IL1RAPL2: variants seen among roughly 807,000 people sequenced by gnomAD.
The protein encoded by IL1RAPL2 is X-linked interleukin-1 receptor accessory protein-like 2.
IL1RAPL2 carries 3 observed loss-of-function variants against 44.1 expected under a neutral mutation model. The observed-to-expected ratio is 0.07, with a 90% CI of 0.03 to 0.18. The LOEUF (loss-of-function observed/expected upper bound fraction) is 0.18. Among genes scored for constraint, IL1RAPL2 ranks in the 10% least tolerant of loss-of-function variants. The pLI, the probability that IL1RAPL2 is intolerant of heterozygous loss-of-function variation, is 1.00. For missense variants in IL1RAPL2, 391 were observed against 496.4 expected (o/e 0.79, Z 2.02); for synonymous variants, 181 against 178.8 (o/e 1.01, Z -0.10).
intron 1 of IL1RAPL2, among the ~76,000 whole-genome samples, chrX:104,633,302 C>CT (rs1296641464): frequency 2.7e-5 from 3 of 111,265 alleles, no homozygotes; most frequent in East Asian, 2.8e-4. Flanking sequence ...CTAAAATTCT[C>CT]TTTTTTTGTT....
chrX:105,263,318 T>C (rs750229561), intron 4 of IL1RAPL2, among the ~76,000 whole-genome samples: 1 of 111,554 alleles, frequency 9.0e-6, no homozygotes, highest in South Asian at 3.8e-4. Context: ...GGTTACATGG[T>C]TAGTTTATGG....
intron 2 of IL1RAPL2, among the ~76,000 whole-genome samples, chrX:104,719,825 A>C (rs1348578408): frequency 9.0e-6 from 1 of 111,506 alleles, no homozygotes; most frequent in Non-Finnish European, 1.9e-5. Flanking sequence ...TGTGGATACC[A>C]TGTTGTAGCT....
At chrX:104,798,484 C>A (rs1932864874) in intron 2 of IL1RAPL2, among the ~76,000 whole-genome samples, 2 of 97,671 alleles carry the variant, frequency 2.0e-5, no homozygotes, top group Admixed American at 2.2e-4. Context: ...CAGTGAAACC[C>A]TGTCTCTACT....
chrX:105,287,836 A>G (rs1216901606), intron 5 of IL1RAPL2, among the ~76,000 whole-genome samples: 1 of 111,485 alleles, frequency 9.0e-6, no homozygotes, highest in African/African-American at 3.3e-5. Flanking sequence ...TTCAATCACA[A>G]ATCTTTATAT....
chrX:105,329,692 A>T, intron 5 of IL1RAPL2, among the ~76,000 whole-genome samples: 1 of 111,310 alleles, frequency 9.0e-6, no homozygotes. Flanking sequence ...CTTGCACTGT[A>T]CTGCATATAC....
chrX:105,066,472 A>G (rs924578736), intron 2 of IL1RAPL2, among the ~76,000 whole-genome samples: 14 of 111,729 alleles, frequency 1.3e-4, no homozygotes, highest in African/African-American at 3.9e-4. Flanking sequence ...TAAGGGATGG[A>G]GAAGTGTATT....
At chrX:104,698,493 A>G (rs1020792049) in intron 2 of IL1RAPL2, among the ~76,000 whole-genome samples, 9 of 111,749 alleles carry the variant, frequency 8.1e-5, no homozygotes, top group African/African-American at 2.9e-4. Flanking sequence ...TTCTTACTCA[A>G]ACTCAAAGTT....
intron 1 of IL1RAPL2, among the ~76,000 whole-genome samples, chrX:104,620,964 TATATAATA>T (rs1325792348): frequency 1.1e-5 from 1 of 93,049 alleles, no homozygotes; most frequent in African/African-American, 5.8e-5. Context: ...TTCTATAATT[TATATAATA>T]ATATAATATA....
intron 5 of IL1RAPL2, among the ~76,000 whole-genome samples, chrX:105,372,821 A>G (rs146571579): frequency 0.013 from 1,456 of 112,013 alleles, 19 homozygotes; most frequent in African/African-American, 0.045. Flanking sequence ...ATTCTTTTTT[A>G]TGGCTGCATA....
chrX:104,958,257 A>G (rs1352051469), intron 2 of IL1RAPL2, among the ~76,000 whole-genome samples: 1 of 109,994 alleles, frequency 9.1e-6, no homozygotes, highest in Non-Finnish European at 1.9e-5. Context: ...ACTAGGTTAT[A>G]TGGTTCATGA....
chrX:105,380,792 G>T (rs1427045520), intron 5 of IL1RAPL2, among the ~76,000 whole-genome samples: 2 of 111,454 alleles, frequency 1.8e-5, no homozygotes, highest in Admixed American at 9.5e-5. Context: ...GTATTGATTG[G>T]CTTCTTTATT....
At chrX:104,675,413 T>G (rs1475792607) in intron 2 of IL1RAPL2, among the ~76,000 whole-genome samples, 6 of 111,769 alleles carry the variant, frequency 5.4e-5, no homozygotes, top group Admixed American at 2.8e-4. Flanking sequence ...GCGGTTTTGA[T>G]TGAGATTCTT....
intron 5 of IL1RAPL2, among the ~76,000 whole-genome samples, chrX:105,447,075 T>TTATATATATATATATATA (rs1205983853): frequency 3.6e-4 from 6 of 16,868 alleles, no homozygotes; most frequent in East Asian, 1.7e-3. Context: ...CTGGTTAAAA[T>TTATATATATATATATATA]TATATATATA....
chrX:105,199,393 A>C (rs1556144082), intron 3 of IL1RAPL2, among the ~76,000 whole-genome samples: 5 of 107,597 alleles, frequency 4.6e-5, no homozygotes, highest in African/African-American at 1.7e-4. Context: ...CCCCAGTTCT[A>C]GAATTAGCCA....
At chrX:104,983,876 A>G (rs2030512191) in intron 2 of IL1RAPL2, among the ~76,000 whole-genome samples, 1 of 109,218 alleles carries the variant, frequency 9.2e-6, no homozygotes, top group Admixed American at 1.0e-4. Context: ...TAGATGTAGA[A>G]TTTTAGGAAC....
At chrX:105,410,175 G>C (rs1377099471) in intron 5 of IL1RAPL2, among the ~76,000 whole-genome samples, 2 of 110,757 alleles carry the variant, frequency 1.8e-5, no homozygotes, top group African/African-American at 3.3e-5. Context: ...AAAGATGTTA[G>C]GTAGATAGTT....
At chrX:105,749,593 T>C (rs2038579491) in intron 9 of IL1RAPL2, among the ~76,000 whole-genome samples, 1 of 111,901 alleles carries the variant, frequency 8.9e-6, no homozygotes, top group African/African-American at 3.2e-5. Context: ...CTTTTAAAGC[T>C]CAAAGTACAT....
intron 6 of IL1RAPL2, among the ~76,000 whole-genome samples, chrX:105,561,519 C>T (rs978544067): frequency 5.4e-5 from 6 of 112,019 alleles, no homozygotes; most frequent in African/African-American, 1.9e-4. Context: ...AAATAAGTCA[C>T]AGCTGGTAGT....
intron 2 of IL1RAPL2, among the ~76,000 whole-genome samples, chrX:105,065,812 G>A (rs2032130990): frequency 1.8e-5 from 2 of 111,722 alleles, no homozygotes; most frequent in Non-Finnish European, 3.8e-5. Flanking sequence ...GTCACTTTAG[G>A]CAGGAGTTAC....
Sources: gnomAD v4.1 joint callset for allele counts (sites outside exome capture counted in the v4.1 genomes callset) on GRCh38, gnomAD v4.1.1 for gene constraint, MANE v1.5 for transcripts, NCBI Gene and HGNC (gene_info 2026-07-23, HGNC 2026-07-21) for gene names.